ATP8B1: variants seen among roughly 807,000 people sequenced by gnomAD.
The protein encoded by ATP8B1 is phospholipid-transporting ATPase IC.
In ATP8B1, 80 loss-of-function variants were observed where a neutral mutation model predicts 149.9. The observed-to-expected ratio is 0.53, with a 90% confidence interval of 0.45 to 0.64. The LOEUF (loss-of-function observed/expected upper bound fraction) is 0.64. ATP8B1 is among the 30% of genes least tolerant of loss of function. The pLI, the probability that ATP8B1 is intolerant of heterozygous loss-of-function variation, is 0.00. For synonymous variants in ATP8B1, 536 were observed against 562.8 expected, an observed-to-expected ratio of 0.95 and a Z score of 0.67; for missense variants, 1,247 against 1,552.6, an observed-to-expected ratio of 0.80 and a Z score of 3.31.
At chr18:57,668,630 A>G (rs1213924177) in intron 18 of ATP8B1, 90 bp from the exon 19 acceptor site, 6 of 793,978 alleles carry the variant, frequency 7.6e-6, no homozygotes, top group Non-Finnish European at 1.2e-5. Context: ...TGTAAAAAGA[A>G]GGGCTAATTA....
chr18:57,754,439 C>CAA (rs749830355), intron 1 of ATP8B1, among the ~76,000 whole-genome samples: 791 of 62,844 alleles, frequency 0.013, 5 homozygotes, highest in African/African-American at 0.052. Context: ...CTCTGTCTAA[C>CAA]AAAAAAATAT....
At chr18:57,744,021 A>C (rs146403247) in intron 1 of ATP8B1, among the ~76,000 whole-genome samples, 1 of 152,266 alleles carries the variant, frequency 6.6e-6, no homozygotes, top group African/African-American at 2.4e-5. Context: ...AGCAAGAAGA[A>C]ATACAGGCCT....
chr18:57,656,543 A>T (rs986970651), intron 22 of ATP8B1, among the ~76,000 whole-genome samples: 22 of 151,414 alleles, frequency 1.5e-4, no homozygotes, highest in African/African-American at 5.1e-4. Flanking sequence ...GCGCCACCAC[A>T]CCCAGCTAAT....
chr18:57,676,934 C>T (rs1253888624), intron 15 of ATP8B1, among the ~76,000 whole-genome samples: 1 of 152,090 alleles, frequency 6.6e-6, no homozygotes, highest in Non-Finnish European at 1.5e-5. Context: ...ATCACTTGAG[C>T]CCAGGAGTGT....
intron 1 of ATP8B1, chr18:57,735,148 C>CAGCT (rs1226767162): frequency 6.5e-6 from 1 of 153,590 alleles, no homozygotes; most frequent in East Asian, 1.9e-4. Context: ...TTAAATCTTG[C>CAGCT]AGCTGCACCC....
chr18:57,703,621 T>C lies in ATP8B1; in HGVS notation c.393+934A>G, dbSNP rs551988474. On this transcript the variant is annotated intron_variant, in intron 4 of 27. Transcript: ENST00000648908. The stretch of plus-strand genomic sequence containing the variant: ...ATCTGAAAAAACCAGGTGGATATTC[T>C]GAGCTTAAGCTATGTAATCCGCACG... Among the ~76,000 whole-genome samples, 8 of 151,478 alleles carry C rather than the reference T, an allele frequency of 5.3e-5. No homozygotes were observed. The South Asian group carries it at 1.0e-3, about 20-fold the overall frequency.
intron 1 of ATP8B1, among the ~76,000 whole-genome samples, chr18:57,800,154 G>A (rs2080560456): frequency 6.6e-6 from 1 of 152,152 alleles, no homozygotes; most frequent in Non-Finnish European, 1.5e-5. Flanking sequence ...AAAATTAAGT[G>A]CTTAAGCAAT....
chr18:57,676,148 T>G (rs1388866779), intron 15 of ATP8B1, among the ~76,000 whole-genome samples: 6 of 152,130 alleles, frequency 3.9e-5, no homozygotes, highest in Non-Finnish European at 7.4e-5. Context: ...TAAAAAAGTA[T>G]GTTTTCTTTC....
Position 57,706,505 on chromosome 18 carries a change from C to G in ATP8B1, c.264G>C (p.Lys88Asn). 1.2e-6 allele frequency: 2 copies of G among 1,613,742 alleles called. No homozygotes were observed. The highest frequency in any genetic ancestry group is 1.7e-6 in the Non-Finnish European group (2 of 1,179,728). ...AACAACTCACCGCATATTTACTCTC[C>G]TTAATACACAAGAATTTTGTGTTCA... is the stretch of plus-strand genomic sequence containing the variant. ...HFMNTKFLCI[K>N]ESKYANNAIK... The change falls in exon 3 of 28, where the codon AAG (lysine) becomes AAC (asparagine). Residue 88 changes from lysine to asparagine, a missense_variant. Transcript: ENST00000648908.
chr18:57,648,655 C>T lies in ATP8B1; in HGVS notation c.3589G>A (p.Val1197Met), dbSNP rs1376578283. The T allele has an allele frequency of 4.4e-6, 7 of 1,585,066 alleles. No homozygotes were observed. The Admixed American group carries it at 1.3e-4, about 29-fold the overall frequency. ...CGCGTTGACACGCCCCGGCGGAACACCTGCTGCCGTCGCTGCCACTGCTCC... is the reference window on the plus strand; with the variant it reads ...CGCGTTGACACGCCCCGGCGGAACATCTGCTGCCGTCGCTGCCACTGCTCC... ...AEEQWQRRQQ[V>M]FRRGVSTRRS... The change falls in exon 28 of 28, where the codon GTG becomes ATG. Residue 1197 changes from valine (V) to methionine (M), a missense_variant. Transcript: ENST00000648908.
At position 57,784,144 on chromosome 18, in the gene ATP8B1, G is replaced by A. The variant is rs756280353; in HGVS notation, c.-26+18854C>T. On this transcript the variant is annotated intron_variant, in intron 1 of 27. Transcript: ENST00000648908. The surrounding 1 kb of genome is among the most constrained non-coding windows in gnomAD (Gnocchi z 4.4). ...GAAGAGCTTTTCAAGCGAGAAAGCA[G>A]CAAATCTGAAGTTCCTGGGACAGGA... 3.9e-5 allele frequency among the ~76,000 whole-genome samples: 6 copies of A among 152,204 alleles called. No homozygotes were observed. Among genetic ancestry groups the A allele is most frequent in the Non-Finnish European group, 7.3e-5 (5 of 68,040 alleles).
chr18:57,792,184 C>T (rs780109877), intron 1 of ATP8B1, among the ~76,000 whole-genome samples: 28 of 152,190 alleles, frequency 1.8e-4, no homozygotes, highest in Non-Finnish European at 2.8e-4. Context: ...AACTAGCACA[C>T]ATTTCCATGG....
chr18:57,735,771 A>C (rs1352431602), intron 1 of ATP8B1, among the ~76,000 whole-genome samples: 2 of 144,090 alleles, frequency 1.4e-5, no homozygotes, highest in Admixed American at 7.4e-5. Flanking sequence ...CACCATGTTA[A>C]ATCTAAATTT....
chr18:57,684,000 G>T (rs1419652612), intron 15 of ATP8B1, 36 bp downstream of exon 15: 1 of 1,613,764 alleles, frequency 6.2e-7, no homozygotes, highest in South Asian at 1.1e-5. Context: ...CAAAAAACCT[G>T]GTCTCTAATG....
At chr18:57,750,111 C>T (rs1007767763) in intron 1 of ATP8B1, among the ~76,000 whole-genome samples, 26 of 152,110 alleles carry the variant, frequency 1.7e-4, no homozygotes, top group Non-Finnish European at 3.7e-4. Context: ...GGCATGGTGG[C>T]GTGAGCCTGT....
intron 1 of ATP8B1, chr18:57,732,173 ATATATG>A (rs1568044047): frequency 3.3e-4 from 14 of 42,632 alleles, no homozygotes; most frequent in African/African-American, 1.0e-3. Flanking sequence ...GTATATATGT[ATATATG>A]TGTATATATG....
At chr18:57,736,149 G>C (rs936665380) in intron 1 of ATP8B1, among the ~76,000 whole-genome samples, 5 of 152,142 alleles carry the variant, frequency 3.3e-5, no homozygotes, top group African/African-American at 1.2e-4. Context: ...GAAAGACCAC[G>C]ATCTCATTCT....
chr18:57,692,643 C>T (rs1489029132), intron 11 of ATP8B1, among the ~76,000 whole-genome samples: 1 of 151,944 alleles, frequency 6.6e-6, no homozygotes, highest in Non-Finnish European at 1.5e-5. Context: ...CCATGTTGGC[C>T]AGGCTGGTCT....
chr18:57,763,243 T>C (rs1294605671), intron 1 of ATP8B1, among the ~76,000 whole-genome samples: 2 of 151,890 alleles, frequency 1.3e-5, no homozygotes, highest in African/African-American at 4.8e-5. Flanking sequence ...AAATACAAAA[T>C]CAGCCGGGCT....
Sources: gnomAD v4.1 joint callset for allele counts (sites outside exome capture counted in the v4.1 genomes callset) on GRCh38, gnomAD v4.1.1 for gene constraint, Gnocchi (gnomAD v3.1) non-coding constraint, MANE v1.5 for transcripts, NCBI Gene and HGNC (gene_info 2026-07-23, HGNC 2026-07-21) for gene names.